RBFOX1: variants seen among roughly 807,000 people sequenced by gnomAD.
RBFOX1 encodes the protein RNA binding fox-1 homolog 1, also known as RNA binding protein fox-1 homolog 1.
A neutral mutation model predicts 57.7 loss-of-function variants in RBFOX1; 8 were observed. The ratio of observed to expected loss-of-function variants is 0.14; its 90% CI spans 0.08 to 0.25. The LOEUF is 0.25. Among genes scored for constraint, RBFOX1 ranks in the 10% least tolerant of loss-of-function variants. The pLI, the probability that RBFOX1 is intolerant of heterozygous loss-of-function variation, is 1.00. For missense variants in RBFOX1, 611 were observed against 548.5 expected, an observed-to-expected ratio of 1.11 and a Z score of -1.14; for synonymous variants, 326 against 222.4, an observed-to-expected ratio of 1.47 and a Z score of -4.15.
intron 4 of RBFOX1, among the ~76,000 whole-genome samples, chr16:7,455,794 A>AG (rs1247627775): frequency 1.3e-5 from 2 of 150,740 alleles, no homozygotes; most frequent in Non-Finnish European, 1.5e-5. Flanking sequence ...TCAAAAAAAA[A>AG]AAAAAAAGAA....
intron 2 of RBFOX1, among the ~76,000 whole-genome samples, chr16:6,449,992 C>G (rs527635819): frequency 1.3e-5 from 2 of 152,172 alleles, no homozygotes; most frequent in African/African-American, 4.8e-5. Flanking sequence ...CGTTAGTTCC[C>G]TGCTAGAATT....
At chr16:7,695,010 A>C (rs900163752) in intron 14 of RBFOX1, among the ~76,000 whole-genome samples, 1 of 152,204 alleles carries the variant, frequency 6.6e-6, no homozygotes, top group African/African-American at 2.4e-5. Context: ...TAAGCAAGTG[A>C]TCCACACACA....
chr16:7,697,501 A>T (rs891808072), intron 14 of RBFOX1, among the ~76,000 whole-genome samples: 18 of 106,762 alleles, frequency 1.7e-4, no homozygotes, highest in Non-Finnish European at 3.7e-4. Context: ...TATGTGTGCT[A>T]GTATGATATA....
At chr16:7,650,991 C>T (rs956067720) in intron 11 of RBFOX1, among the ~76,000 whole-genome samples, 2 of 152,106 alleles carry the variant, frequency 1.3e-5, no homozygotes, top group East Asian at 1.9e-4. Context: ...CCAGTTGCCA[C>T]GTGATCCAAG....
At chr16:5,294,197 C>G (rs1338665436) in intron 1 of RBFOX1, among the ~76,000 whole-genome samples, 4 of 152,234 alleles carry the variant, frequency 2.6e-5, no homozygotes, top group Non-Finnish European at 5.9e-5. Context: ...CCACTGCACT[C>G]CAGCCTGGGT....
rs537514549 is a variant in RBFOX1 at position 7,103,073 on chromosome 16, A to G, written c.27+50975A>G. ...ATTCCCTAATTCTATCTTTGCCTCA[A>G]AAAAAAAAAATGCAACACTCTGTTT... On this transcript the variant is annotated intron_variant, in intron 4 of 15. Coordinates refer to ENST00000550418, the MANE Select transcript of RBFOX1 (RefSeq NM_018723.4). Among the ~76,000 whole-genome samples, 264 of 148,850 alleles carry G rather than the reference A, an allele frequency of 1.8e-3. 2 individuals carry two copies. The highest frequency in any genetic ancestry group is 6.2e-3 in the African/African-American group (247 of 40,096).
chr16:6,964,088 G>A (rs62016375), intron 3 of RBFOX1, among the ~76,000 whole-genome samples: 9,431 of 151,892 alleles, frequency 0.062, 414 homozygotes, highest in Middle Eastern at 0.14. Context: ...GTGCATTCTC[G>A]GCTCACTGCA....
At chr16:6,673,093 C>T (rs1011270177) in intron 3 of RBFOX1, among the ~76,000 whole-genome samples, 1 of 152,166 alleles carries the variant, frequency 6.6e-6, no homozygotes, top group Non-Finnish European at 1.5e-5. Context: ...AGATTGGTCA[C>T]GTAAATGCAA....
chr16:5,455,017 TTCTTTCTCTCTCTCTG>T lies in RBFOX1; in HGVS notation c.220-12195_220-12180del, dbSNP rs1567536376. Among the ~76,000 whole-genome samples, 23 of 116,724 alleles carry T rather than the reference TTCTTTCTCTCTCTCTG, an allele frequency of 2.0e-4. 1 individual carries two copies. The highest frequency in any genetic ancestry group is 8.6e-4 in the Admixed American group (9 of 10,476). 76.6% of individuals were successfully genotyped at this position (116,724 alleles called of 152,430 possible). On this transcript the variant is annotated intron_variant, in intron 1 of 2. Coordinates refer to the RBFOX1 transcript ENST00000585867. Reference sequence around the variant, plus strand: ...TTTCTTTCTTTCTTTCTTTCTTTCTTTCTTTCTCTCTCTCTGTCTGTCTCTCTTTCTTTCTTTCTCT... The same window carrying T: ...TTTCTTTCTTTCTTTCTTTCTTTCTTTCTGTCTCTCTTTCTTTCTTTCTCT...
chr16:6,941,950 T>C (rs1276617320), intron 3 of RBFOX1, among the ~76,000 whole-genome samples: 3 of 152,116 alleles, frequency 2.0e-5, no homozygotes, highest in Non-Finnish European at 4.4e-5. Context: ...TGGGAAAGGA[T>C]GGGCACAATG....
chr16:6,379,888 T>A (rs903023988), intron 2 of RBFOX1, among the ~76,000 whole-genome samples: 1 of 152,028 alleles, frequency 6.6e-6, no homozygotes, highest in African/African-American at 2.4e-5. Context: ...TGGGAGGCAT[T>A]TGAGCATGCG....
At chr16:6,045,705 C>G (rs865893709) in intron 1 of RBFOX1, among the ~76,000 whole-genome samples, 4 of 152,076 alleles carry the variant, frequency 2.6e-5, no homozygotes, top group South Asian at 4.1e-4. Context: ...AGAGCCATAC[C>G]GATGGTGATA....
intron 3 of RBFOX1, among the ~76,000 whole-genome samples, chr16:6,929,648 C>G (rs1206186820): frequency 6.6e-6 from 1 of 152,130 alleles, no homozygotes; most frequent in Admixed American, 6.5e-5. Flanking sequence ...TTTAGGGATT[C>G]TCAGAGTTAT....
intron 2 of RBFOX1, among the ~76,000 whole-genome samples, chr16:6,498,031 C>T (rs1172650009): frequency 6.6e-6 from 1 of 151,842 alleles, no homozygotes; most frequent in East Asian, 2.0e-4. Context: ...GGTGGATCGC[C>T]TAAGGTCAAG....
chr16:5,890,696 T>C (rs1205631484), intron 4 of RBFOX1, among the ~76,000 whole-genome samples: 1 of 72,654 alleles, frequency 1.4e-5, no homozygotes. Flanking sequence ...GAGTCTGTAT[T>C]GAAAAAAAAA....
chr16:6,140,146 T>A (rs551566316), intron 1 of RBFOX1, among the ~76,000 whole-genome samples: 3 of 152,104 alleles, frequency 2.0e-5, no homozygotes, highest in African/African-American at 7.2e-5. Flanking sequence ...TACTGTCTGA[T>A]AATTCGTAAA....
chr16:7,081,279 C>G (rs2059155942), intron 4 of RBFOX1, among the ~76,000 whole-genome samples: 1 of 152,234 alleles, frequency 6.6e-6, no homozygotes, highest in South Asian at 2.1e-4. Context: ...AAGTGATCCA[C>G]CAGCCTTGGC....
chr16:6,678,480 G>C (rs1408603952), intron 3 of RBFOX1, among the ~76,000 whole-genome samples: 1 of 151,374 alleles, frequency 6.6e-6, no homozygotes, highest in Non-Finnish European at 1.5e-5. Flanking sequence ...TGCGTGTATG[G>C]GTCCTAAACC....
chr16:7,662,322 G>C (rs961800164), intron 12 of RBFOX1, among the ~76,000 whole-genome samples: 1 of 152,172 alleles, frequency 6.6e-6, no homozygotes, highest in Non-Finnish European at 1.5e-5. Flanking sequence ...TCAGGTTCGA[G>C]TCTGTTAATC....
Sources: gnomAD v4.1 joint callset for allele counts (sites outside exome capture counted in the v4.1 genomes callset) on GRCh38, gnomAD v4.1.1 for gene constraint, MANE v1.5 for transcripts, NCBI Gene and HGNC (gene_info 2026-07-23, HGNC 2026-07-21) for gene names.